Variants in ANPEP observed in about 807,000 individuals in gnomAD.
ANPEP encodes aminopeptidase N.
In ANPEP, 70 loss-of-function variants were observed where a neutral mutation model predicts 114.6. The observed-to-expected ratio is 0.61, with a 90% confidence interval of 0.50 to 0.75. ANPEP has a LOEUF of 0.75. Ranked by LOEUF, ANPEP falls within the 30% of genes least tolerant of loss-of-function variation. ANPEP has a pLI of 0.00. For missense variants in ANPEP, 1,184 were observed against 1,259.5 expected (o/e 0.94, Z 0.91); for synonymous variants, 548 against 522.3 (o/e 1.05, Z -0.67).
intron 20 of ANPEP, among the ~76,000 whole-genome samples, chr15:89,788,429 A>T (rs1968544864): frequency 6.6e-6 from 1 of 152,234 alleles, no homozygotes; most frequent in Non-Finnish European, 1.5e-5. Flanking sequence ...TAATAAATCC[A>T]TAGAGACAGA....
At chr15:89,809,648 C>A (rs937277689) in intron 1 of ANPEP, among the ~76,000 whole-genome samples, 1 of 152,238 alleles carries the variant, frequency 6.6e-6, no homozygotes, top group African/African-American at 2.4e-5. Context: ...CACCTCCACA[C>A]CCCATCGGGC....
In ANPEP at chr15:89,785,336, C is replaced by T; in HGVS notation, c.*13G>A. The T allele has an allele frequency of 6.2e-7, 1 of 1,614,122 alleles. No homozygotes were observed. The highest frequency in any genetic ancestry group is 2.2e-5 in the East Asian group (1 of 44,886). On this transcript the variant is annotated 3_prime_UTR_variant, in exon 21 of 21. Coordinates refer to ENST00000300060, the MANE Select transcript of ANPEP (RefSeq NM_001150.3). ...ACCTTGCATGGGGGCCGGGTGACTT[C>T]AAGGGCTGGGGACTATTTGCTGTTT...
In ANPEP at chr15:89,803,291, G is replaced by T; in HGVS notation, c.1517C>A (p.Thr506Asn). 6.2e-7 allele frequency: 1 copy of T among 1,614,126 alleles called. No homozygotes were observed. The highest frequency in any genetic ancestry group is 8.5e-7 in the Non-Finnish European group (1 of 1,179,976). Residue 506 changes from threonine (T) to asparagine (N), a missense_variant, in exon 10 of 21, where the codon ACC becomes AAC. Coordinates refer to ENST00000300060, the MANE Select transcript of ANPEP (RefSeq NM_001150.3). The surrounding 1 kb of genome is among the most constrained non-coding windows in gnomAD (Gnocchi z 4.2). ...GTAGATGGTGTTCTGGTAGGCAAAG[G>T]TGTGGAGGTAGGACTGTGGAAAGAC... is the stretch of plus-strand genomic sequence containing the variant. ...FKQGLASYLH[T>N]FAYQNTIYLN...
At position 89,804,521 on chromosome 15, in the gene ANPEP, A is replaced by G; in HGVS notation, c.994T>C (p.Tyr332His). The G allele has an allele frequency of 6.2e-7, 1 of 1,614,224 alleles. No individual in the cohort carries two copies. Among genetic ancestry groups the G allele is most frequent in the Non-Finnish European group, 8.5e-7 (1 of 1,180,038 alleles). Residue 332 changes from tyrosine (Y) to histidine (H), a missense_variant, in exon 5 of 21, where the codon TAT (tyrosine) becomes CAT (histidine). By Grantham distance (83) the Tyr-to-His change is moderately conservative. Transcript: ENST00000300060. Reference sequence around the variant, plus strand: ...TTTGGGAGTGGGTAGGGTGTGTCATAATGACCAGCAAAGAAGTTAAGGATG... The same window carrying G: ...TTTGGGAGTGGGTAGGGTGTGTCATGATGACCAGCAAAGAAGTTAAGGATG... The part of the protein sequence containing the change: ...GPILNFFAGH[Y>H]DTPYPLPKSD...
In ANPEP at chr15:89,805,114, G is replaced by A. The variant is rs141615930; in HGVS notation, c.861C>T (p.Phe287=). 345 of 1,614,214 alleles carry A rather than the reference G, an allele frequency of 2.1e-4. No homozygotes were observed. In the African/African-American group the frequency reaches 3.8e-3, roughly 18 times the overall value. ...TGGATGCCTGCTTCTCCACGTAGTC[G>A]AACTCACTGACAATGAAGGCCAGCA... ...TYLLAFIVSE[F]DYVEKQASNG... is the part of the protein sequence containing the mutation. The change falls in exon 4 of 21, where the codon TTC becomes TTT. Residue 287 remains phenylalanine, a synonymous_variant. Coordinates refer to ENST00000300060, the MANE Select transcript of ANPEP (RefSeq NM_001150.3).
intron 1 of ANPEP, among the ~76,000 whole-genome samples, chr15:89,811,726 C>G (rs564567979): frequency 1.3e-5 from 2 of 152,140 alleles, no homozygotes; most frequent in East Asian, 3.9e-4. Context: ...CCAGTTGCAC[C>G]CGCTTTGGGA....
chr15:89,809,338 C>G (rs1894778935), intron 1 of ANPEP, among the ~76,000 whole-genome samples: 2 of 152,212 alleles, frequency 1.3e-5, no homozygotes, highest in African/African-American at 4.8e-5. Flanking sequence ...CTGGACTAAT[C>G]CCTTTTCTAA....
chr15:89,803,396 C>A lies in ANPEP; in HGVS notation c.1503+46G>T. Reference sequence around the variant, plus strand: ...AGAGGCCCGGGTCAAGGGCGAGGGGCAGAAGGAGACCCACCCTCATGGCTG... The same window carrying A: ...AGAGGCCCGGGTCAAGGGCGAGGGGAAGAAGGAGACCCACCCTCATGGCTG... On this transcript the variant is annotated intron_variant, in intron 9 of 20. Transcript: ENST00000300060. The surrounding 1 kb of genome is among the most constrained non-coding windows in gnomAD (Gnocchi z 4.2). The A allele has an allele frequency of 1.1e-5, 17 of 1,612,664 alleles. No homozygotes were observed. The highest frequency in any genetic ancestry group is 1.4e-5 in the Non-Finnish European group (17 of 1,179,164).
Position 89,803,509 on chromosome 15 carries a change from T to C in ANPEP, c.1438-2A>G, listed in dbSNP as rs1894638732. 2 of 1,607,324 alleles carry C rather than the reference T, an allele frequency of 1.2e-6. No individual in the cohort carries two copies. The highest frequency in any genetic ancestry group is 4.5e-5 in the East Asian group (2 of 44,744). On this transcript the variant is annotated splice_acceptor_variant, in intron 8 of 20. Transcript: ENST00000300060. LOFTEE classifies it high-confidence loss of function. The surrounding 1 kb of genome is among the most constrained non-coding windows in gnomAD (Gnocchi z 4.2). ...GAGCATCCTGAGGACTGAGGCGCCC[T>C]GGGGTGGGGGTGAGGGGGCGCTCAG... is the stretch of plus-strand genomic sequence containing the variant.
intron 20 of ANPEP, among the ~76,000 whole-genome samples, chr15:89,788,839 C>T (rs1317237496): frequency 6.6e-6 from 1 of 151,742 alleles, no homozygotes; most frequent in Non-Finnish European, 1.5e-5. Context: ...AGGCTGGTCT[C>T]AAACTCCTGG....
chr15:89,797,772 C>T, intron 14 of ANPEP, 50 bp from the exon 15 acceptor site: 2 of 1,610,844 alleles, frequency 1.2e-6, no homozygotes, highest in Non-Finnish European at 1.7e-6. Flanking sequence ...CCAGCCCAGC[C>T]ACAGCCTGGG....
At chr15:89,794,409 G>A (rs950631554) in intron 15 of ANPEP, among the ~76,000 whole-genome samples, 1 of 152,128 alleles carries the variant, frequency 6.6e-6, no homozygotes, top group South Asian at 2.1e-4. Context: ...GCTTGAATCT[G>A]GGAGGTGGAG....
chr15:89,792,048 C>T lies in ANPEP; in HGVS notation c.2528+112G>A. ...GTTACTTTGGAAATACTGCCTCCAC[C>T]TCAACAGGTCTGTGGGGGTCACGTG... On this transcript the variant is annotated intron_variant, in intron 18 of 20. Coordinates refer to ENST00000300060, the MANE Select transcript of ANPEP (RefSeq NM_001150.3). 2.3e-6 allele frequency: 3 copies of T among 1,297,778 alleles called. No individual in the cohort carries two copies. The Admixed American group carries it at 7.4e-5, about 32-fold the overall frequency. The allele number at this position is 1,297,778 out of a possible 1,614,324, so 80.4% of individuals were successfully genotyped here. A position where few individuals can be genotyped will look rare whatever the true frequency, so the allele number is the denominator to read the frequency against.
rs759006687 is a variant in ANPEP, at chr15:89,790,497, A to G, written c.2714T>C (p.Val905Ala). ...SFSFSNLIQAVTRRFSTEYEL... is the reference protein window; with the variant it reads ...SFSFSNLIQAATRRFSTEYEL... ...ATACTCGGTGGAGAATCGTCGTGTCACTGCCTGGATGAGGTTGGAGAAGGA... is the reference window on the plus strand; with the variant it reads ...ATACTCGGTGGAGAATCGTCGTGTCGCTGCCTGGATGAGGTTGGAGAAGGA... Residue 905 changes from valine to alanine, a missense_variant, in exon 20 of 21, where the codon GTG becomes GCG. Physicochemically the swap from Val to Ala is moderately conservative, Grantham distance 64. Transcript: ENST00000300060. The G allele has an allele frequency of 1.9e-6, 3 of 1,613,922 alleles. No individual in the cohort carries two copies. Among genetic ancestry groups the G allele is most frequent in the Non-Finnish European group, 2.5e-6 (3 of 1,179,964 alleles).
Position 89,804,274 on chromosome 15 carries a change from A to G in ANPEP, c.1158T>C (p.Ile386=). The stretch of plus-strand genomic sequence containing the variant: ...CTACCTGGTGGGCCAGCTCATGAGC[A>G]ATCACAGTGACCACCCGCTCCTTGT... The part of the protein sequence containing the change: ...SSNKERVVTV[I]AHELAHQWFG... The change falls in exon 6 of 21, where the codon ATT becomes ATC. Residue 386 remains isoleucine (I), a synonymous_variant. Transcript: ENST00000300060. The G allele has an allele frequency of 6.2e-7, 1 of 1,614,140 alleles. No homozygotes were observed. The highest frequency in any genetic ancestry group is 8.5e-7 in the Non-Finnish European group (1 of 1,180,028).
At chr15:89,805,006 GA>G in intron 4 of ANPEP, 71 bp downstream of exon 4, 1 of 1,599,444 alleles carries the variant, frequency 6.3e-7, no homozygotes, top group Non-Finnish European at 8.6e-7. Context: ...CTGGCACAGG[GA>G]TGAAGAGAAC....
At chr15:89,805,572 C>A in intron 2 of ANPEP, 109 bp from the exon 3 acceptor site, 1 of 1,438,806 alleles carries the variant, frequency 7.0e-7, no homozygotes. Flanking sequence ...GCTGCCCCAG[C>A]CTAACCCCTG....
chr15:89,804,790 G>A, intron 4 of ANPEP, 173 bp from the exon 5 acceptor site: 1 of 970,560 alleles, frequency 1.0e-6, no homozygotes, highest in African/African-American at 1.6e-5. Context: ...GGGGTCTGGA[G>A]GCTGTGGGTC....
chr15:89,805,577 C>A (rs1894693933), intron 2 of ANPEP, 114 bp from the exon 3 acceptor site: 2 of 1,412,004 alleles, frequency 1.4e-6, no homozygotes, highest in South Asian at 1.3e-5. Context: ...CCCAGCCTAA[C>A]CCCTGCTCCT....
Sources: gnomAD v4.1 joint callset for allele counts (sites outside exome capture counted in the v4.1 genomes callset) on GRCh38, gnomAD v4.1.1 for gene constraint, Gnocchi (gnomAD v3.1) non-coding constraint, MANE v1.5 for transcripts, NCBI Gene and HGNC (gene_info 2026-07-23, HGNC 2026-07-21) for gene names.